The following WWOX variants were observed in gnomAD, a reference collection of about 807,000 sequenced individuals.
The protein encoded by WWOX is WW domain containing oxidoreductase, also known as WW domain-containing oxidoreductase.
In WWOX, 69 loss-of-function variants were observed where a neutral mutation model predicts 46.2. The observed-to-expected ratio is 1.49, with a 90% CI of 1.23 to 1.82. The LOEUF (loss-of-function observed/expected upper bound fraction) is 1.82. WWOX is among the 40% of genes most tolerant of loss of function. The probability of loss-of-function intolerance (pLI) is 0.00; values close to 1 mark genes in which losing one functional copy is unlikely to be tolerated. For synonymous variants in WWOX, 359 were observed against 202.6 expected, an observed-to-expected ratio of 1.77 and a Z score of -6.56; for missense variants, 919 against 542.6, an observed-to-expected ratio of 1.69 and a Z score of -6.89.
chr16:78,597,115 G>C (rs910597875), intron 8 of WWOX, among the ~76,000 whole-genome samples: 3 of 152,156 alleles, frequency 2.0e-5, no homozygotes, highest in Non-Finnish European at 4.4e-5. Context: ...TGTGAAAACT[G>C]CTCCTGACCT....
chr16:79,013,491 C>A (rs1376349706), intron 8 of WWOX, among the ~76,000 whole-genome samples: 1 of 152,076 alleles, frequency 6.6e-6, no homozygotes. Context: ...AACGCATGTC[C>A]CCCCATGAAG....
intron 8 of WWOX, among the ~76,000 whole-genome samples, chr16:78,870,963 C>A (rs990705477): frequency 6.6e-6 from 1 of 152,128 alleles, no homozygotes; most frequent in Admixed American, 6.5e-5. Context: ...CCACAACCAC[C>A]AGAGTCTTAA....
chr16:78,204,502 A>G (rs965187512), intron 5 of WWOX, among the ~76,000 whole-genome samples: 9 of 105,702 alleles, frequency 8.5e-5, no homozygotes, highest in African/African-American at 3.6e-4. Context: ...AGTAGGTCTT[A>G]TTTATTCCTT....
chr16:78,527,894 C>G (rs1247333137), intron 8 of WWOX, among the ~76,000 whole-genome samples: 1 of 151,324 alleles, frequency 6.6e-6, no homozygotes, highest in South Asian at 2.1e-4. Flanking sequence ...TGCAAAGGAC[C>G]ATGCCCACCA....
intron 8 of WWOX, among the ~76,000 whole-genome samples, chr16:78,995,617 C>T (rs764768234): frequency 5.3e-5 from 8 of 151,724 alleles, no homozygotes; most frequent in East Asian, 1.9e-4. Flanking sequence ...ACTGCAAAAC[C>T]GCAAACTGGC....
intron 5 of WWOX, among the ~76,000 whole-genome samples, chr16:78,328,887 A>G (rs1055487229): frequency 6.6e-6 from 1 of 150,442 alleles, no homozygotes; most frequent in Non-Finnish European, 1.5e-5. Context: ...CTTTTCTAAC[A>G]GTCTTGCTCT....
intron 5 of WWOX, among the ~76,000 whole-genome samples, chr16:78,311,342 G>T (rs2080239283): frequency 1.3e-5 from 2 of 152,180 alleles, no homozygotes; most frequent in African/African-American, 4.8e-5. Context: ...ACTTAACAGA[G>T]TCAAGCTTGG....
At chr16:79,166,692 A>G (rs889764831) in intron 8 of WWOX, among the ~76,000 whole-genome samples, 4 of 152,218 alleles carry the variant, frequency 2.6e-5, no homozygotes, top group African/African-American at 4.8e-5. Context: ...CATGGTGACT[A>G]CTGTCCCTCA....
At position 78,529,839 on chromosome 16, in the gene WWOX, T is replaced by C. The variant is rs151015119; in HGVS notation, c.1056+97087T>C. Among the ~76,000 whole-genome samples the C allele has an allele frequency of 1.8e-3, 272 of 152,300 alleles. 3 individuals are homozygous for C. Among genetic ancestry groups the C allele is most frequent in the African/African-American group, 6.2e-3 (256 of 41,574 alleles). ...GGGAGCCAGCTATACTTACATATAG[T>C]TCTCTCTGTGACCCTGTAGAATGCA... On this transcript the variant is annotated intron_variant, in intron 8 of 8. Transcript: ENST00000566780.
At chr16:78,364,840 G>A (rs531081452) in intron 5 of WWOX, among the ~76,000 whole-genome samples, 1 of 152,304 alleles carries the variant, frequency 6.6e-6, no homozygotes, top group African/African-American at 2.4e-5. Flanking sequence ...GGTGTTTTCT[G>A]TGCTTTTTCC....
intron 8 of WWOX, among the ~76,000 whole-genome samples, chr16:78,962,989 C>T (rs1472958770): frequency 6.6e-6 from 1 of 152,128 alleles, no homozygotes; most frequent in Non-Finnish European, 1.5e-5. Context: ...CTTTCTCTGC[C>T]ACTGCCATCC....
chr16:78,652,106 C>G (rs1160666491), intron 8 of WWOX, among the ~76,000 whole-genome samples: 1 of 152,068 alleles, frequency 6.6e-6, no homozygotes, highest in African/African-American at 2.4e-5. Flanking sequence ...GACCAGGGCT[C>G]CTGGTCACTT....
chr16:78,477,225 A>C lies in WWOX; in HGVS notation c.1056+44473A>C, dbSNP rs1421466610. Among the ~76,000 whole-genome samples, 3 of 152,300 alleles carry C rather than the reference A, an allele frequency of 2.0e-5. No homozygotes were observed. The East Asian group carries it at 5.8e-4, about 29-fold the overall frequency. On this transcript the variant is annotated intron_variant, in intron 8 of 8. Coordinates refer to ENST00000566780, the MANE Select transcript of WWOX (RefSeq NM_016373.4). ...GACTATTTTTCAAATTGATTTCAAA[A>C]ATGTATTTAAGGGGATGATCTTCTA...
chr16:79,198,333 C>CA (rs1356017891), intron 8 of WWOX, among the ~76,000 whole-genome samples: 2 of 151,662 alleles, frequency 1.3e-5, no homozygotes, highest in South Asian at 2.1e-4. Flanking sequence ...CAGACTGTCT[C>CA]AAAAAAAGAG....
intron 8 of WWOX, among the ~76,000 whole-genome samples, chr16:78,834,212 C>G (rs1554981): frequency 1.3e-5 from 2 of 151,932 alleles, no homozygotes; most frequent in Non-Finnish European, 2.9e-5. Context: ...TTGTTTGTGC[C>G]GAACAGGGCC....
intron 8 of WWOX, among the ~76,000 whole-genome samples, chr16:79,068,250 T>A (rs1343307790): frequency 1.3e-5 from 2 of 152,162 alleles, no homozygotes; most frequent in Non-Finnish European, 2.9e-5. Context: ...TGCCTAAGAA[T>A]GCCATGACTG....
chr16:78,446,266 G>A (rs2083559252), intron 8 of WWOX, among the ~76,000 whole-genome samples: 1 of 152,204 alleles, frequency 6.6e-6, no homozygotes, highest in Non-Finnish European at 1.5e-5. Context: ...TCAAGTCTTA[G>A]AGAGGAAGTA....
At chr16:78,388,752 C>T (rs1229961120) in intron 6 of WWOX, among the ~76,000 whole-genome samples, 1 of 151,440 alleles carries the variant, frequency 6.6e-6, no homozygotes, top group East Asian at 2.0e-4. Context: ...GGCGGATCAC[C>T]TGAAGTCAGG....
At chr16:78,832,212 C>T (rs1403260084) in intron 8 of WWOX, among the ~76,000 whole-genome samples, 3 of 152,122 alleles carry the variant, frequency 2.0e-5, no homozygotes, top group South Asian at 2.1e-4. Flanking sequence ...AAGGGGCTCA[C>T]TGATGTGGCT....
Sources: allele counts gnomAD v4.1 joint callset (sites outside exome capture counted in the v4.1 genomes callset), GRCh38; gene constraint gnomAD v4.1.1; transcripts MANE v1.5; gene names NCBI Gene and HGNC (gene_info 2026-07-23, HGNC 2026-07-21).